Variants in LUZP2 observed in about 807,000 individuals in gnomAD.
LUZP2 encodes leucine zipper protein 2.
In LUZP2, 52 loss-of-function variants were observed where a neutral mutation model predicts 51.6. The ratio of observed to expected loss-of-function variants is 1.01; its 90% CI spans 0.81 to 1.27. LUZP2 has a LOEUF of 1.27. Ranked by LOEUF, LUZP2 falls within the 50% of genes most tolerant of loss-of-function variation. The pLI is 0.00. For synonymous variants in LUZP2, 154 were observed against 137.3 expected (o/e 1.12, Z -0.85); for missense variants, 436 against 395.4 (o/e 1.10, Z -0.87).
At chr11:24,700,265 T>C (rs1218069469) in intron 1 of LUZP2, among the ~76,000 whole-genome samples, 1 of 152,062 alleles carries the variant, frequency 6.6e-6, no homozygotes, top group Admixed American at 6.6e-5. Context: ...GGTTTCACCA[T>C]GTTGGCCAGT....
At chr11:24,921,800 T>C (rs1853749550) in intron 7 of LUZP2, among the ~76,000 whole-genome samples, 3 of 152,184 alleles carry the variant, frequency 2.0e-5, no homozygotes, top group Non-Finnish European at 1.5e-5. Context: ...TTGGTGTCCG[T>C]GGAGTTCCTG....
At chr11:24,822,157 T>C (rs1850381015) in intron 5 of LUZP2, among the ~76,000 whole-genome samples, 1 of 152,104 alleles carries the variant, frequency 6.6e-6, no homozygotes, top group African/African-American at 2.4e-5. Flanking sequence ...TGGACAATAT[T>C]TCTCTACTGA....
chr11:24,938,379 G>T (rs192836972), intron 7 of LUZP2, among the ~76,000 whole-genome samples: 3 of 152,166 alleles, frequency 2.0e-5, no homozygotes, highest in African/African-American at 7.2e-5. Flanking sequence ...CTTTTCAACT[G>T]CCTTTAACAT....
chr11:25,065,435 T>C (rs1004324919), intron 10 of LUZP2, among the ~76,000 whole-genome samples: 5 of 152,080 alleles, frequency 3.3e-5, no homozygotes, highest in African/African-American at 1.2e-4. Flanking sequence ...TGTCCTTATT[T>C]ATTCCTTACA....
At chr11:25,046,074 G>A (rs921468849) in intron 9 of LUZP2, among the ~76,000 whole-genome samples, 4 of 152,058 alleles carry the variant, frequency 2.6e-5, no homozygotes, top group Admixed American at 6.6e-5. Flanking sequence ...TCTAACCATT[G>A]GTAGCCTGTC....
intron 5 of LUZP2, among the ~76,000 whole-genome samples, chr11:24,847,260 TA>T (rs1851230800): frequency 6.6e-6 from 1 of 152,142 alleles, no homozygotes; most frequent in South Asian, 2.1e-4. Flanking sequence ...ATAATATATA[TA>T]TATTTTTTTC....
chr11:25,002,595 A>G (rs751749209), intron 9 of LUZP2, among the ~76,000 whole-genome samples: 6 of 152,028 alleles, frequency 3.9e-5, no homozygotes, highest in Non-Finnish European at 8.8e-5. Flanking sequence ...GTAGCCTCTG[A>G]CACTAAGATG....
chr11:24,954,824 G>T (rs1219723971), intron 7 of LUZP2, among the ~76,000 whole-genome samples: 1 of 152,074 alleles, frequency 6.6e-6, no homozygotes, highest in Non-Finnish European at 1.5e-5. Context: ...CTACAAGATA[G>T]TATAACATAG....
chr11:24,994,983 T>A (rs1366431213), intron 9 of LUZP2, among the ~76,000 whole-genome samples: 1 of 152,216 alleles, frequency 6.6e-6, no homozygotes, highest in African/African-American at 2.4e-5. Context: ...CTGTTATACA[T>A]TACACAAATA....
At chr11:24,682,541 A>G (rs1856770048) in intron 1 of LUZP2, among the ~76,000 whole-genome samples, 1 of 143,624 alleles carries the variant, frequency 7.0e-6, no homozygotes, top group South Asian at 2.2e-4. Context: ...TTCAGTGTGT[A>G]TATGTATATA....
chr11:24,869,792 T>C (rs1390053886), intron 5 of LUZP2, among the ~76,000 whole-genome samples: 3 of 152,122 alleles, frequency 2.0e-5, no homozygotes, highest in African/African-American at 7.2e-5. Context: ...CACAACAATA[T>C]TGAAATTAGG....
chr11:24,690,707 C>T (rs1453702507), intron 1 of LUZP2, among the ~76,000 whole-genome samples: 1 of 152,046 alleles, frequency 6.6e-6, no homozygotes, highest in Non-Finnish European at 1.5e-5. Flanking sequence ...TTATGTTACT[C>T]TCTACCAACT....
At chr11:24,808,383 G>C (rs2134130907) in intron 5 of LUZP2, among the ~76,000 whole-genome samples, 1 of 152,176 alleles carries the variant, frequency 6.6e-6, no homozygotes, top group Non-Finnish European at 1.5e-5. Context: ...CTGAAGGTTG[G>C]CAAATTCCAA....
At chr11:24,609,660 G>A (rs1854049673) in intron 1 of LUZP2, among the ~76,000 whole-genome samples, 1 of 150,794 alleles carries the variant, frequency 6.6e-6, no homozygotes, top group South Asian at 2.1e-4. Context: ...AACCCTGGGG[G>A]CGGAGGTTAC....
intron 10 of LUZP2, among the ~76,000 whole-genome samples, chr11:25,071,172 T>C (rs1859146968): frequency 6.6e-6 from 1 of 152,076 alleles, no homozygotes; most frequent in Non-Finnish European, 1.5e-5. Flanking sequence ...TGATATCACT[T>C]AACACAGTTC....
chr11:24,636,743 C>G (rs956728662), intron 1 of LUZP2, among the ~76,000 whole-genome samples: 1 of 152,066 alleles, frequency 6.6e-6, no homozygotes, highest in African/African-American at 2.4e-5. Flanking sequence ...TTTCCTATCA[C>G]CCTTCAAATA....
At chr11:24,524,619 A>C (rs972277095) in intron 1 of LUZP2, among the ~76,000 whole-genome samples, 1 of 151,764 alleles carries the variant, frequency 6.6e-6, no homozygotes, top group African/African-American at 2.4e-5. Context: ...AGATCCCTTG[A>C]CACAGGTCTG....
intron 5 of LUZP2, among the ~76,000 whole-genome samples, chr11:24,847,441 T>C (rs182741134): frequency 2.0e-5 from 3 of 152,270 alleles, no homozygotes; most frequent in Admixed American, 1.3e-4. Context: ...CATCTGAATC[T>C]GTCTAATGTT....
chr11:24,879,638 C>T (rs540504180), intron 5 of LUZP2, among the ~76,000 whole-genome samples: 1 of 152,190 alleles, frequency 6.6e-6, no homozygotes, highest in South Asian at 2.1e-4. Context: ...GTATCTCTTT[C>T]TGGTTTTGAT....
Sources: gnomAD v4.1 joint callset for allele counts (sites outside exome capture counted in the v4.1 genomes callset) on GRCh38, gnomAD v4.1.1 for gene constraint, MANE v1.5 for transcripts, NCBI Gene and HGNC (gene_info 2026-07-23, HGNC 2026-07-21) for gene names.